NBPF9: variants seen among roughly 807,000 people sequenced by gnomAD.
NBPF9 encodes the protein NBPF member 9, also known as NBPF family member NBPF9.
A neutral mutation model predicts 97.8 loss-of-function variants in NBPF9; 91 were observed. That is an observed-to-expected ratio of 0.93 (90% CI 0.79 to 1.11). The LOEUF (loss-of-function observed/expected upper bound fraction) is 1.11. Among genes scored for constraint, NBPF9 ranks in the 50% least tolerant of loss-of-function variants. The probability of loss-of-function intolerance (pLI) is 0.00; values close to 1 mark genes in which losing one functional copy is unlikely to be tolerated. For missense variants in NBPF9, 992 were observed against 939.5 expected, an observed-to-expected ratio of 1.06 and a Z score of -0.73; for synonymous variants, 334 against 359.5, an observed-to-expected ratio of 0.93 and a Z score of 0.80.
At position 149,098,539 on chromosome 1, in the gene NBPF9, G is replaced by A. The variant is rs2081940111; in HGVS notation, c.-438C>T. The A allele has an allele frequency of 2.1e-5, 32 of 1,496,210 alleles. No homozygotes were observed. Among genetic ancestry groups the A allele is most frequent in the Non-Finnish European group, 2.6e-5 (29 of 1,118,678 alleles). 92.7% of individuals were successfully genotyped at this position (1,496,210 alleles called of 1,614,324 possible). ...ACATCAGTACCTCGGAGAGTCCACT[G>A]GAAGCCCTGGACAGTGGGAATTGGT... On this transcript the variant is annotated 5_prime_UTR_variant, in exon 4 of 30. The change creates a premature stop within an existing upstream ORF in the 5' untranslated region. Coordinates refer to ENST00000584027, the Ensembl canonical transcript of NBPF9.
At chr1:149,095,540 G>C (rs1265927438) in intron 4 of NBPF9, among the ~76,000 whole-genome samples, 1 of 147,400 alleles carries the variant, frequency 6.8e-6, no homozygotes, top group African/African-American at 2.5e-5. Context: ...TCACAGACTG[G>C]GAGAAAATAT....
chr1:149,067,584 G>A (rs2079110705), intron 17 of NBPF9, among the ~76,000 whole-genome samples: 1 of 150,436 alleles, frequency 6.6e-6, no homozygotes, highest in Non-Finnish European at 1.5e-5. Context: ...CCTTGCAATA[G>A]TTTGCTGAGA....
At position 149,084,879 on chromosome 1, in the gene NBPF9, G is replaced by C. The variant is rs1289328626; in HGVS notation, c.-194-2449C>G. ...GATCTTTGTATGAAGAGCATCGGTG[G>C]AGCCCCCACCTTCAACGTCATTGTC... is the stretch of plus-strand genomic sequence containing the variant. On this transcript the variant is annotated intron_variant, in intron 5 of 29. Coordinates refer to ENST00000584027, the Ensembl canonical transcript of NBPF9. Among the ~76,000 whole-genome samples, 192 of 150,932 alleles carry C rather than the reference G, an allele frequency of 1.3e-3. 2 individuals are homozygous for C. The highest frequency in any genetic ancestry group is 4.1e-3 in the African/African-American group (170 of 41,160).
intron 5 of NBPF9, 148 bp from the exon 6 acceptor site, chr1:149,082,578 C>T: frequency 1.8e-6 from 1 of 554,722 alleles, no homozygotes; most frequent in Non-Finnish European, 3.1e-6. Context: ...TCAGCATTCA[C>T]TCTCAGTATT....
At chr1:149,082,065 G>T in exon 7 of NBPF9, 1 of 1,610,480 alleles carries the variant, frequency 6.2e-7, no homozygotes, top group Non-Finnish European at 8.5e-7. Flanking sequence ...CCAACTGGGG[G>T]CGCAATTTCT....
At chr1:149,070,817 T>C in intron 16 of NBPF9, 117 bp downstream of exon 16, 1 of 1,478,072 alleles carries the variant, frequency 6.8e-7, no homozygotes. Flanking sequence ...CTGATATCTG[T>C]TTAGAAACCC....
At chr1:149,065,320 G>C in intron 18 of NBPF9, 1 of 751,128 alleles carries the variant, frequency 1.3e-6, no homozygotes, top group South Asian at 1.4e-5. Flanking sequence ...CATGGCCTGA[G>C]ACTAGGAAGA....
At chr1:149,068,954 C>A (rs1439530350) in intron 17 of NBPF9, among the ~76,000 whole-genome samples, 1 of 152,000 alleles carries the variant, frequency 6.6e-6, no homozygotes, top group Non-Finnish European at 1.5e-5. Context: ...AATTAGAACT[C>A]AGGATTAAGA....
At chr1:149,064,965 A>C in intron 18 of NBPF9, 1 of 534,070 alleles carries the variant, frequency 1.9e-6, no homozygotes, top group South Asian at 2.1e-5. Context: ...TGTGGGTGAA[A>C]AGTCAGCCAT....
intron 5 of NBPF9, among the ~76,000 whole-genome samples, chr1:149,089,257 G>A (rs587764744): frequency 3.3e-5 from 5 of 152,116 alleles, no homozygotes; most frequent in East Asian, 1.9e-4. Flanking sequence ...CCTTGGTGAG[G>A]AGAATGCCTC....
At position 149,062,842 on chromosome 1, in the gene NBPF9, C is replaced by T. The variant is rs782718683; in HGVS notation, c.2078+20G>A. 1.5e-6 allele frequency: 1 copy of T among 665,414 alleles called. No homozygotes were observed. The highest frequency in any genetic ancestry group is 1.9e-5 in the African/African-American group (1 of 53,974). 41.2% of individuals were successfully genotyped at this position (665,414 alleles called of 1,614,324 possible). A position where few individuals can be genotyped will look rare whatever the true frequency, so the allele number is the denominator to read the frequency against. ...CAGGTGTCAACACAGAATTAAGCAT[C>T]CATAATTGCTCAAAGTTACCTGGGG... On this transcript the variant is annotated intron_variant, in intron 21 of 29. Transcript: ENST00000584027.
exon 14 of NBPF9, chr1:149,072,812 C>G: frequency 1.6e-5 from 26 of 1,593,592 alleles, no homozygotes; most frequent in Non-Finnish European, 2.2e-5. Flanking sequence ...CCGGCTCATC[C>G]GGAGTGAGGA....
chr1:149,068,244 T>C (rs1290196494), intron 17 of NBPF9, among the ~76,000 whole-genome samples: 1 of 148,982 alleles, frequency 6.7e-6, no homozygotes, highest in African/African-American at 2.5e-5. Flanking sequence ...CCAGCTAACA[T>C]CATAACGACA....
At chr1:149,073,640 G>A (rs587709647) in intron 13 of NBPF9, 128 bp downstream of exon 13, 5 of 743,306 alleles carry the variant, frequency 6.7e-6, no homozygotes, top group South Asian at 1.5e-5. Flanking sequence ...TTTGTGTGTA[G>A]CGAGCCTGCC....
intron 8 of NBPF9, among the ~76,000 whole-genome samples, chr1:149,079,437 T>C (rs1429983919): frequency 5.3e-4 from 81 of 151,928 alleles, no homozygotes; most frequent in African/African-American, 1.9e-3. Flanking sequence ...TCCTCGATGA[T>C]GTTCCATTCA....
chr1:149,060,906 CACACACACACACACACACAA>C, intron 23 of NBPF9: 2 of 397,998 alleles, frequency 5.0e-6, no homozygotes, highest in East Asian at 4.3e-5. Context: ...CACACACACA[CACACACACACACACACACAA>C]ACACACACAC....
chr1:149,100,022 A>G (rs1263925333), intron 3 of NBPF9, among the ~76,000 whole-genome samples: 11 of 146,562 alleles, frequency 7.5e-5, no homozygotes, highest in Non-Finnish European at 1.6e-4. Context: ...TCCTAAAACT[A>G]TTATGTAGAA....
chr1:149,076,741 C>A (rs2079907625), intron 11 of NBPF9, among the ~76,000 whole-genome samples: 2 of 150,142 alleles, frequency 1.3e-5, no homozygotes, highest in Admixed American at 6.7e-5. Flanking sequence ...ATCTCCTGAC[C>A]TCCTGATCCA....
At chr1:149,103,365 C>T (rs2082280185) in exon 1 of NBPF9, 7 of 152,048 alleles carry the variant, frequency 4.6e-5, no homozygotes, top group Admixed American at 1.3e-4. Flanking sequence ...AGCCGCGCCG[C>T]CGCGCCTCGG....
Sources: allele counts gnomAD v4.1 joint callset (sites outside exome capture counted in the v4.1 genomes callset), GRCh38; gene constraint gnomAD v4.1.1; transcripts MANE v1.5; gene names NCBI Gene and HGNC (gene_info 2026-07-23, HGNC 2026-07-21).